Variants in DLGAP1 observed in about 807,000 individuals in gnomAD.
DLGAP1 encodes DLG associated protein 1.
A neutral mutation model predicts 90.8 loss-of-function variants in DLGAP1; 11 were observed. The ratio of observed to expected loss-of-function variants is 0.12; its 90% CI spans 0.08 to 0.20. The LOEUF (loss-of-function observed/expected upper bound fraction) is 0.20. Among genes scored for constraint, DLGAP1 ranks in the 10% least tolerant of loss-of-function variants. The probability of loss-of-function intolerance (pLI) is 1.00; values close to 1 mark genes in which losing one functional copy is unlikely to be tolerated. For missense variants in DLGAP1, 1,050 were observed against 1,333.8 expected (o/e 0.79, Z 3.31); for synonymous variants, 558 against 540.7 (o/e 1.03, Z -0.44).
chr18:4,428,124 T>TC (rs993946182), intron 1 of DLGAP1, among the ~76,000 whole-genome samples: 8 of 152,216 alleles, frequency 5.3e-5, no homozygotes, highest in Admixed American at 2.0e-4. Flanking sequence ...TAAATCTGGG[T>TC]CCCCCCCTCA....
chr18:3,611,418 C>G (rs1289006234), intron 7 of DLGAP1, among the ~76,000 whole-genome samples: 1 of 152,118 alleles, frequency 6.6e-6, no homozygotes, highest in Non-Finnish European at 1.5e-5. Flanking sequence ...TCCTGACCGG[C>G]TCTACCACTG....
intron 2 of DLGAP1, among the ~76,000 whole-genome samples, chr18:4,028,219 T>C (rs371147014): frequency 6.6e-6 from 1 of 152,186 alleles, no homozygotes; most frequent in Non-Finnish European, 1.5e-5. Flanking sequence ...AATATGTAAA[T>C]ATATAGGGAA....
intron 7 of DLGAP1, among the ~76,000 whole-genome samples, chr18:3,608,910 C>T (rs924732895): frequency 1.3e-5 from 2 of 152,208 alleles, no homozygotes; most frequent in Admixed American, 6.5e-5. Context: ...GATCTCAGCT[C>T]ACTGCAACCT....
At chr18:4,146,204 G>A (rs974138883) in intron 2 of DLGAP1, among the ~76,000 whole-genome samples, 14 of 152,140 alleles carry the variant, frequency 9.2e-5, no homozygotes, top group African/African-American at 3.1e-4. Context: ...ACCAGATGCC[G>A]GATTTATTTT....
chr18:4,134,341 TG>T lies in DLGAP1; in HGVS notation c.-159+16838del, dbSNP rs554484356. ...TAACTGCCTCCCTGGGGCGGGAGGT[TG>T]GGGGGACTTGGTTAATCTTACTCTT... On this transcript the variant is annotated intron_variant, in intron 2 of 12. Coordinates refer to ENST00000315677, the MANE Select transcript of DLGAP1 (RefSeq NM_004746.4). Among the ~76,000 whole-genome samples the T allele has an allele frequency of 5.4e-3, 829 of 152,156 alleles. 9 individuals carry two copies. Among genetic ancestry groups the T allele is most frequent in the African/African-American group, 0.019 (802 of 41,522 alleles).
chr18:4,217,190 T>C (rs2144936502), intron 1 of DLGAP1, among the ~76,000 whole-genome samples: 1 of 152,248 alleles, frequency 6.6e-6, no homozygotes, highest in Admixed American at 6.6e-5. Flanking sequence ...TAAGGGTCCC[T>C]GCACATCTTT....
At chr18:4,191,995 C>T (rs2144738448) in intron 1 of DLGAP1, among the ~76,000 whole-genome samples, 1 of 152,152 alleles carries the variant, frequency 6.6e-6, no homozygotes, top group South Asian at 2.1e-4. Context: ...AACCCTGAAG[C>T]AACACTAGGA....
chr18:4,450,579 G>C (rs1598441488), intron 1 of DLGAP1, among the ~76,000 whole-genome samples: 1 of 152,148 alleles, frequency 6.6e-6, no homozygotes, highest in African/African-American at 2.4e-5. Flanking sequence ...ACAGCACAAT[G>C]TCTCCTCATC....
intron 9 of DLGAP1, among the ~76,000 whole-genome samples, chr18:3,543,154 C>T (rs1188781992): frequency 6.9e-6 from 1 of 143,890 alleles, no homozygotes; most frequent in East Asian, 2.1e-4. Flanking sequence ...CTCTTTTGTT[C>T]CCATGACTCC....
chr18:3,782,841 G>A (rs1226042537), intron 5 of DLGAP1, among the ~76,000 whole-genome samples: 1 of 151,998 alleles, frequency 6.6e-6, no homozygotes, highest in Non-Finnish European at 1.5e-5. Flanking sequence ...GTGAGTCAAA[G>A]GACACCTCAA....
At chr18:4,285,362 T>C (rs2079661958) in intron 1 of DLGAP1, among the ~76,000 whole-genome samples, 2 of 152,034 alleles carry the variant, frequency 1.3e-5, no homozygotes, top group African/African-American at 4.8e-5. Flanking sequence ...TAAAAACAAG[T>C]ATCTAAAGTA....
chr18:3,559,713 C>G (rs1307595452), intron 9 of DLGAP1, among the ~76,000 whole-genome samples: 2 of 151,012 alleles, frequency 1.3e-5, no homozygotes, highest in Non-Finnish European at 2.9e-5. Context: ...ACCTCTGCCT[C>G]CTGGGTTCAA....
chr18:4,003,226 G>A (rs959305064), intron 3 of DLGAP1, among the ~76,000 whole-genome samples: 5 of 152,172 alleles, frequency 3.3e-5, no homozygotes, highest in African/African-American at 4.8e-5. Flanking sequence ...CCTCCTCCGG[G>A]TTGTAGTTGG....
At chr18:3,796,222 T>C (rs2065984736) in intron 5 of DLGAP1, among the ~76,000 whole-genome samples, 2 of 152,190 alleles carry the variant, frequency 1.3e-5, no homozygotes, top group African/African-American at 4.8e-5. Flanking sequence ...AGACTCAAGA[T>C]TGTCCTGGGA....
At chr18:3,699,627 TGAG>T (rs140379030) in intron 7 of DLGAP1, among the ~76,000 whole-genome samples, 1,939 of 152,294 alleles carry the variant, frequency 0.013, 44 homozygotes, top group African/African-American at 0.044. Context: ...GGGACCCACT[TGAG>T]GAAGCAGAGT....
chr18:3,678,932 A>G (rs988948233), intron 7 of DLGAP1, among the ~76,000 whole-genome samples: 1 of 152,200 alleles, frequency 6.6e-6, no homozygotes, highest in Non-Finnish European at 1.5e-5. Flanking sequence ...CTCACAGAGG[A>G]TAGTGAATGA....
At chr18:4,087,661 G>A (rs552583093) in intron 2 of DLGAP1, among the ~76,000 whole-genome samples, 1 of 152,204 alleles carries the variant, frequency 6.6e-6, no homozygotes, top group Non-Finnish European at 1.5e-5. Context: ...TTCCTCTAGT[G>A]CCACTGGGTT....
chr18:4,273,905 T>C (rs1355627795), intron 1 of DLGAP1, among the ~76,000 whole-genome samples: 2 of 151,458 alleles, frequency 1.3e-5, no homozygotes, highest in African/African-American at 4.9e-5. Context: ...CTCTTTTTTT[T>C]CTTGATCATC....
intron 3 of DLGAP1, among the ~76,000 whole-genome samples, chr18:3,935,286 T>C (rs999397370): frequency 6.6e-6 from 1 of 152,152 alleles, no homozygotes; most frequent in African/African-American, 2.4e-5. Flanking sequence ...AAGAAATAAA[T>C]GGAAAAACAC....
Sources: gnomAD v4.1 joint callset for allele counts (sites outside exome capture counted in the v4.1 genomes callset) on GRCh38, gnomAD v4.1.1 for gene constraint, MANE v1.5 for transcripts, NCBI Gene and HGNC (gene_info 2026-07-23, HGNC 2026-07-21) for gene names.